Variants in TRMT11 observed in about 807,000 individuals in gnomAD.
TRMT11 encodes the protein tRNA methyltransferase 11.
TRMT11 carries 53 observed loss-of-function variants against 62.8 expected under a neutral mutation model. That is an observed-to-expected ratio of 0.84 (90% CI 0.68 to 1.06). The LOEUF is 1.06. TRMT11 is among the 50% of genes least tolerant of loss of function. The pLI is 0.00. For missense variants in TRMT11, 556 were observed against 553.4 expected (o/e 1.00, Z -0.05); for synonymous variants, 188 against 190.3 (o/e 0.99, Z 0.10).
rs909746040 is a variant in TRMT11 at position 126,045,266 on chromosome 6, G to A, written c.*1369+4421G>A. On this transcript the variant is annotated intron_variant and NMD_transcript_variant, in intron 16 of 22. Coordinates refer to the TRMT11 transcript ENST00000648977. ...ATAAAGTTCTTTGTATGTGACCTAG[G>A]AGTATGTCTTTTACCAGTTTCAATG... Among the ~76,000 whole-genome samples, 3 of 152,068 alleles carry A rather than the reference G, an allele frequency of 2.0e-5. No homozygotes were observed. In the South Asian group the frequency reaches 6.2e-4, roughly 32 times the overall value.
the TRMT11 span, among the ~76,000 whole-genome samples, chr6:126,245,440 A>C: frequency 6.6e-6 from 1 of 152,232 alleles, no homozygotes; most frequent in Non-Finnish European, 1.5e-5. Flanking sequence ...GAATTGCTCA[A>C]ACTTAAAGGG....
chr6:126,224,051 C>T, the TRMT11 span, among the ~76,000 whole-genome samples: 3 of 152,136 alleles, frequency 2.0e-5, no homozygotes, highest in Non-Finnish European at 4.4e-5. Context: ...TATTATTTTA[C>T]TGGATTCCTT....
chr6:125,994,635 C>G (rs772714478), intron 2 of TRMT11, among the ~76,000 whole-genome samples: 3 of 152,090 alleles, frequency 2.0e-5, no homozygotes, highest in Non-Finnish European at 4.4e-5. Context: ...ATAAGTCATT[C>G]TATTATAAAG....
chr6:126,150,478 T>G (rs1778026367), intron 21 of TRMT11, among the ~76,000 whole-genome samples: 1 of 152,226 alleles, frequency 6.6e-6, no homozygotes, highest in Non-Finnish European at 1.5e-5. Context: ...CCTCAATCGC[T>G]GTATCCATAA....
At position 126,194,760 on chromosome 6, in the gene TRMT11, A is replaced by G. The variant is rs1372052149; in HGVS notation, n.144-4039A>G. ...ATACCAAGTCTTCAAAACTTTAGTT[A>G]TTAGAAAGAATTTAAGCATAGTCAT... On this transcript the variant is annotated intron_variant and non_coding_transcript_variant, in intron 1 of 3. Coordinates refer to the TRMT11 transcript ENST00000444229. 2.6e-5 allele frequency among the ~76,000 whole-genome samples: 4 copies of G among 152,268 alleles called. No individual in the cohort carries two copies. In the East Asian group the frequency reaches 7.7e-4, roughly 29 times the overall value.
At chr6:126,248,351 T>G in the TRMT11 span, among the ~76,000 whole-genome samples, 1 of 152,098 alleles carries the variant, frequency 6.6e-6, no homozygotes, top group African/African-American at 2.4e-5. Context: ...TATTCAGAAA[T>G]GATGGAACAA....
At chr6:126,257,224 T>C in the TRMT11 span, among the ~76,000 whole-genome samples, 3 of 151,976 alleles carry the variant, frequency 2.0e-5, no homozygotes, top group Admixed American at 6.6e-5. Flanking sequence ...TCAGCCTGTT[T>C]TCTGCTTGTA....
At chr6:126,151,937 T>TTCTTTCTTTCTTTCTTTC in intron 21 of TRMT11, among the ~76,000 whole-genome samples, 2 of 109,714 alleles carry the variant, frequency 1.8e-5, no homozygotes, top group Non-Finnish European at 3.7e-5. Context: ...CTTTCTTTCT[T>TTCTTTCTTTCTTTCTTTC]TCTTTCTTTT....
chr6:126,011,788 T>C (rs1412224414), intron 9 of TRMT11, among the ~76,000 whole-genome samples: 1 of 152,202 alleles, frequency 6.6e-6, no homozygotes, highest in Non-Finnish European at 1.5e-5. Flanking sequence ...GCAATTATGG[T>C]GTCAAATTTT....
chr6:126,236,138 G>A, the TRMT11 span, among the ~76,000 whole-genome samples: 1 of 152,188 alleles, frequency 6.6e-6, no homozygotes, highest in Admixed American at 6.5e-5. Context: ...TTTAGAAAGT[G>A]TTTGCATTAG....
the TRMT11 span, among the ~76,000 whole-genome samples, chr6:126,229,917 T>C: frequency 6.6e-6 from 1 of 152,204 alleles, no homozygotes; most frequent in Admixed American, 6.5e-5. Context: ...CTAACTTCTT[T>C]TTTTCATCTT....
the TRMT11 span, among the ~76,000 whole-genome samples, chr6:126,219,645 C>G: frequency 6.6e-5 from 10 of 152,280 alleles, 1 homozygote; most frequent in Admixed American, 2.0e-4. Context: ...ATTATCTATC[C>G]CTTAGGGATT....
At chr6:126,117,101 C>G (rs991843604) in intron 21 of TRMT11, among the ~76,000 whole-genome samples, 2 of 151,980 alleles carry the variant, frequency 1.3e-5, no homozygotes, top group Non-Finnish European at 1.5e-5. Context: ...CAAAGGTGGA[C>G]TTTTGGGGGT....
At chr6:126,073,098 C>T (rs1253574817) in intron 17 of TRMT11, among the ~76,000 whole-genome samples, 2 of 152,118 alleles carry the variant, frequency 1.3e-5, no homozygotes, top group African/African-American at 4.8e-5. Flanking sequence ...ATCCCCTGAC[C>T]AAGATTTCTA....
chr6:126,023,801 T>G (rs570514911), intron 12 of TRMT11, among the ~76,000 whole-genome samples: 1 of 152,352 alleles, frequency 6.6e-6, no homozygotes, highest in South Asian at 2.1e-4. Flanking sequence ...TTAACAAGAG[T>G]CTCTTGTGGT....
intron 12 of TRMT11, among the ~76,000 whole-genome samples, chr6:126,022,327 G>A (rs1188080368): frequency 2.6e-5 from 4 of 151,872 alleles, no homozygotes; most frequent in African/African-American, 7.3e-5. Context: ...GATTACAGGC[G>A]TGAGCCACCG....
intron 11 of TRMT11, among the ~76,000 whole-genome samples, chr6:126,018,330 A>T (rs576562253): frequency 6.6e-6 from 1 of 152,284 alleles, no homozygotes; most frequent in East Asian, 1.9e-4. Context: ...ATGTTCAATC[A>T]ATGCAAAATC....
At chr6:126,031,780 A>G (rs1346638824) in intron 12 of TRMT11, among the ~76,000 whole-genome samples, 3 of 152,138 alleles carry the variant, frequency 2.0e-5, no homozygotes, top group African/African-American at 7.2e-5. Context: ...GCAAGCCCAT[A>G]GGGATGTTTG....
the TRMT11 span, among the ~76,000 whole-genome samples, chr6:126,262,328 C>T: frequency 6.6e-6 from 1 of 152,170 alleles, no homozygotes; most frequent in Non-Finnish European, 1.5e-5. Context: ...ATTGAGCTAG[C>T]TGCATGGTAG....
Sources: allele counts gnomAD v4.1 joint callset (sites outside exome capture counted in the v4.1 genomes callset), GRCh38; gene constraint gnomAD v4.1.1; transcripts MANE v1.5; gene names NCBI Gene and HGNC (gene_info 2026-07-23, HGNC 2026-07-21).